The following EYA3 variants were observed in gnomAD, a reference collection of about 807,000 sequenced individuals.
EYA3 encodes protein phosphatase EYA3.
EYA3 carries 39 observed loss-of-function variants against 80.0 expected under a neutral mutation model. The observed-to-expected ratio is 0.49, with a 90% CI of 0.38 to 0.64. The LOEUF is 0.64. Among genes scored for constraint, EYA3 ranks in the 30% least tolerant of loss-of-function variants. The pLI, the probability that EYA3 is intolerant of heterozygous loss-of-function variation, is 0.00. For missense variants in EYA3, 523 were observed against 676.1 expected (o/e 0.77, Z 2.51); for synonymous variants, 206 against 232.8 (o/e 0.88, Z 1.05).
intron 1 of EYA3, among the ~76,000 whole-genome samples, chr1:28,086,666 G>C (rs893353314): frequency 6.6e-6 from 1 of 152,236 alleles, no homozygotes; most frequent in Non-Finnish European, 1.5e-5. Context: ...GCATTCCCAT[G>C]GCTTAAATGA....
At chr1:28,065,375 C>A (rs1422986845) in intron 1 of EYA3, among the ~76,000 whole-genome samples, 1 of 152,022 alleles carries the variant, frequency 6.6e-6, no homozygotes, top group South Asian at 2.1e-4. Context: ...TGGGTTCAAG[C>A]GATTCCCCTG....
intron 1 of EYA3, among the ~76,000 whole-genome samples, chr1:28,070,618 GA>G (rs145158680): frequency 0.23 from 34,397 of 150,296 alleles, 4,089 homozygotes; most frequent in Non-Finnish European, 0.27. Flanking sequence ...ACATACAGCT[GA>G]AAAAAAAATG....
intron 10 of EYA3, 64 bp from the exon 11 acceptor site, chr1:28,004,483 C>A: frequency 8.3e-7 from 1 of 1,200,620 alleles, no homozygotes; most frequent in Non-Finnish European, 1.2e-6. Context: ...AACCAGAAAT[C>A]AATAACAGAA....
At chr1:27,981,742 T>C in intron 16 of EYA3, among the ~76,000 whole-genome samples, 1 of 143,516 alleles carries the variant, frequency 7.0e-6, no homozygotes, top group Non-Finnish European at 1.5e-5. Flanking sequence ...CACTGAACTC[T>C]AGCCTGGTGA....
chr1:28,021,858 G>A (rs913403532), intron 7 of EYA3, among the ~76,000 whole-genome samples: 6 of 152,040 alleles, frequency 3.9e-5, no homozygotes, highest in Non-Finnish European at 8.8e-5. Flanking sequence ...GCCCACCTCA[G>A]CCTCTCAAAG....
At chr1:28,068,185 A>G (rs538092770) in intron 1 of EYA3, among the ~76,000 whole-genome samples, 1 of 152,080 alleles carries the variant, frequency 6.6e-6, no homozygotes, top group Non-Finnish European at 1.5e-5. Flanking sequence ...AAAATAAAAA[A>G]AATTAGCGTG....
At chr1:28,023,730 G>A (rs746628336) in intron 7 of EYA3, among the ~76,000 whole-genome samples, 5 of 152,068 alleles carry the variant, frequency 3.3e-5, no homozygotes, top group South Asian at 2.1e-4. Context: ...ATGGAATCCC[G>A]GAACAGAACA....
At chr1:28,067,958 A>G (rs1032028903) in intron 1 of EYA3, among the ~76,000 whole-genome samples, 2 of 152,218 alleles carry the variant, frequency 1.3e-5, no homozygotes, top group Non-Finnish European at 2.9e-5. Context: ...ATGAACCTGT[A>G]AGCAGCAGAA....
intron 13 of EYA3, among the ~76,000 whole-genome samples, chr1:27,994,472 G>A (rs572182691): frequency 1.7e-4 from 26 of 152,150 alleles, no homozygotes; most frequent in African/African-American, 6.0e-4. Flanking sequence ...GCCGAGGCGG[G>A]TGGATCTCCT....
chr1:28,076,733 ATT>A (rs1256342702), intron 1 of EYA3, among the ~76,000 whole-genome samples: 2 of 145,788 alleles, frequency 1.4e-5, no homozygotes, highest in African/African-American at 5.1e-5. Flanking sequence ...TGCTTTTATA[ATT>A]TCTTTTTTTT....
chr1:28,076,163 A>G (rs773188910), intron 1 of EYA3, among the ~76,000 whole-genome samples: 1 of 152,208 alleles, frequency 6.6e-6, no homozygotes, highest in Non-Finnish European at 1.5e-5. Flanking sequence ...AAAAACCATC[A>G]CCATACTGGT....
intron 1 of EYA3, among the ~76,000 whole-genome samples, chr1:28,060,880 G>A (rs1249915534): frequency 6.6e-6 from 1 of 152,174 alleles, no homozygotes; most frequent in African/African-American, 2.4e-5. Flanking sequence ...TGGGCGTGGT[G>A]GCGCAAGCCT....
intron 2 of EYA3, among the ~76,000 whole-genome samples, chr1:28,049,163 A>G (rs995298549): frequency 2.6e-5 from 4 of 152,222 alleles, no homozygotes; most frequent in African/African-American, 7.2e-5. Context: ...ACTCTCCTAG[A>G]TAATTTGAAG....
intron 15 of EYA3, 30 bp from the exon 16 acceptor site, chr1:27,988,686 G>A (rs1042217710): frequency 2.5e-6 from 4 of 1,608,670 alleles, no homozygotes; most frequent in Non-Finnish European, 3.4e-6. Context: ...AAAAGAAAAG[G>A]TGAAACTAAA....
At chr1:28,007,143 G>T (rs556411389) in intron 10 of EYA3, among the ~76,000 whole-genome samples, 1 of 151,648 alleles carries the variant, frequency 6.6e-6, no homozygotes, top group Non-Finnish European at 1.5e-5. Context: ...TAGAGACAGG[G>T]TTTTGCCACG....
At chr1:27,981,772 A>G (rs1027848054) in intron 16 of EYA3, among the ~76,000 whole-genome samples, 1 of 151,644 alleles carries the variant, frequency 6.6e-6, no homozygotes, top group African/African-American at 2.4e-5. Context: ...TCAAAAAAAA[A>G]AAAAAAAGAA....
intron 16 of EYA3, among the ~76,000 whole-genome samples, chr1:27,983,571 A>C (rs961904684): frequency 4.6e-5 from 7 of 152,226 alleles, no homozygotes; most frequent in Admixed American, 1.3e-4. Context: ...CCTCTTCGGC[A>C]AACTGGTTGT....
chr1:28,083,312 G>A (rs1645497087), intron 1 of EYA3, among the ~76,000 whole-genome samples: 2 of 152,152 alleles, frequency 1.3e-5, no homozygotes, highest in Admixed American at 1.3e-4. Flanking sequence ...ACGAGGTCAG[G>A]AGTTCAAGAC....
At chr1:28,057,863 T>C (rs1328169371) in intron 2 of EYA3, 131 bp downstream of exon 2, 4 of 531,660 alleles carry the variant, frequency 7.5e-6, no homozygotes, top group Non-Finnish European at 1.2e-5. Context: ...AACATTGTTT[T>C]CTTGAAAGGA....
Sources: gnomAD v4.1 joint callset for allele counts (sites outside exome capture counted in the v4.1 genomes callset) on GRCh38, gnomAD v4.1.1 for gene constraint, MANE v1.5 for transcripts, NCBI Gene and HGNC (gene_info 2026-07-23, HGNC 2026-07-21) for gene names.